The following MAGI2 variants were observed in gnomAD, a reference collection of about 807,000 sequenced individuals.
The protein encoded by MAGI2 is membrane associated guanylate kinase, WW and PDZ domain containing 2, also known as membrane-associated guanylate kinase, WW and PDZ domain-containing protein 2.
In MAGI2, 35 loss-of-function variants were observed where a neutral mutation model predicts 133.3. The ratio of observed to expected loss-of-function variants is 0.26; its 90% CI spans 0.20 to 0.35. MAGI2 has a LOEUF of 0.35. Among genes scored for constraint, MAGI2 ranks in the 10% least tolerant of loss-of-function variants. The pLI, the probability that MAGI2 is intolerant of heterozygous loss-of-function variation, is 1.00. For missense variants in MAGI2, 1,636 were observed against 1,863.4 expected (o/e 0.88, Z 2.25); for synonymous variants, 729 against 710.6 (o/e 1.03, Z -0.41).
chr7:79,239,112 A>T (rs914881948), intron 1 of MAGI2, among the ~76,000 whole-genome samples: 2 of 152,216 alleles, frequency 1.3e-5, no homozygotes, highest in Non-Finnish European at 2.9e-5. Flanking sequence ...TTTTAAAATA[A>T]TGGTCATGAA....
At chr7:78,846,864 TA>T (rs920850944) in intron 2 of MAGI2, among the ~76,000 whole-genome samples, 1 of 151,928 alleles carries the variant, frequency 6.6e-6, no homozygotes, top group Non-Finnish European at 1.5e-5. Context: ...GTGCATATAT[TA>T]AAAGCTTTTC....
intron 1 of MAGI2, among the ~76,000 whole-genome samples, chr7:79,034,951 C>T (rs1810971580): frequency 6.6e-6 from 1 of 152,154 alleles, no homozygotes; most frequent in Non-Finnish European, 1.5e-5. Flanking sequence ...CTGTCTAGAG[C>T]AGACTGGCAA....
intron 3 of MAGI2, among the ~76,000 whole-genome samples, chr7:78,592,656 C>T (rs1584768125): frequency 1.3e-5 from 2 of 151,942 alleles, no homozygotes; most frequent in African/African-American, 4.8e-5. Flanking sequence ...GATATTACAG[C>T]ACTCTATTTT....
In MAGI2 at chr7:78,696,976, G is replaced by A. The variant is rs1419429476; in HGVS notation, c.419-69737C>T. Among the ~76,000 whole-genome samples, 3 of 126,500 alleles carry A rather than the reference G, an allele frequency of 2.4e-5. No individual in the cohort carries two copies. In the East Asian group the frequency reaches 6.3e-4, roughly 27 times the overall value. The allele number at this position is 126,500 out of a possible 152,430, so 83.0% of individuals were successfully genotyped here. A position where few individuals can be genotyped will look rare whatever the true frequency, so the allele number is the denominator to read the frequency against. On this transcript the variant is annotated intron_variant, in intron 2 of 21. Coordinates refer to ENST00000354212, the MANE Select transcript of MAGI2 (RefSeq NM_012301.4). ...CTGCAATCAAAATGACCCTTATTTT[G>A]CTTTCATCATTCAAAGCTTTTAAAT...
chr7:78,828,172 A>G (rs1790832025), intron 2 of MAGI2, among the ~76,000 whole-genome samples: 1 of 151,858 alleles, frequency 6.6e-6, no homozygotes, highest in African/African-American at 2.4e-5. Context: ...GGCATAAGCC[A>G]TCGTGCCCAG....
chr7:78,480,006 C>A (rs1792189298), intron 6 of MAGI2, among the ~76,000 whole-genome samples: 1 of 151,614 alleles, frequency 6.6e-6, no homozygotes, highest in Admixed American at 6.6e-5. Context: ...TATAACAGGG[C>A]AGAACAATGA....
At chr7:78,291,834 TACGATTATCTCAATAGATGCGG>T (rs59121752) in intron 9 of MAGI2, among the ~76,000 whole-genome samples, 42,349 of 151,756 alleles carry the variant, frequency 0.28, 6,062 homozygotes, top group African/African-American at 0.33. Context: ...ACAAAAACCA[TACGATTATCTCAATAGATGCGG>T]AAAAGGCCTT....
chr7:78,662,752 T>C (rs996675419), intron 2 of MAGI2, among the ~76,000 whole-genome samples: 6 of 152,208 alleles, frequency 3.9e-5, no homozygotes, highest in African/African-American at 1.4e-4. Context: ...GGGTAACTAC[T>C]GGTGAAGAGA....
At chr7:78,362,826 T>C (rs528892936) in intron 7 of MAGI2, among the ~76,000 whole-genome samples, 1 of 152,322 alleles carries the variant, frequency 6.6e-6, no homozygotes, top group African/African-American at 2.4e-5. Context: ...AACAAACTTA[T>C]TAACATAAAA....
chr7:78,235,933 C>A (rs185709691), intron 10 of MAGI2, among the ~76,000 whole-genome samples: 1 of 151,764 alleles, frequency 6.6e-6, no homozygotes, highest in Admixed American at 6.6e-5. Context: ...CTCAAAGTAA[C>A]CATGTGAATT....
At chr7:78,416,830 C>T (rs1321425988) in intron 6 of MAGI2, among the ~76,000 whole-genome samples, 2 of 152,106 alleles carry the variant, frequency 1.3e-5, no homozygotes, top group Non-Finnish European at 1.5e-5. Flanking sequence ...CCCCTTTATG[C>T]CAGGTGAGGA....
At chr7:78,421,632 G>A (rs1048031906) in intron 6 of MAGI2, among the ~76,000 whole-genome samples, 1 of 152,134 alleles carries the variant, frequency 6.6e-6, no homozygotes, top group South Asian at 2.1e-4. Context: ...GGGAAACATG[G>A]TGAGACCCCA....
At chr7:79,430,553 C>T in intron 1 of MAGI2, among the ~76,000 whole-genome samples, 1 of 152,166 alleles carries the variant, frequency 6.6e-6, no homozygotes, top group South Asian at 2.1e-4. Context: ...TCTCAATTGC[C>T]AGTTCCACAA....
At chr7:78,871,869 A>G (rs1184149685) in intron 2 of MAGI2, among the ~76,000 whole-genome samples, 1 of 152,106 alleles carries the variant, frequency 6.6e-6, no homozygotes, top group African/African-American at 2.4e-5. Context: ...ATAATTAGGA[A>G]AGATTGAGAT....
At chr7:78,116,809 T>C (rs1246377440) in intron 20 of MAGI2, among the ~76,000 whole-genome samples, 2 of 151,818 alleles carry the variant, frequency 1.3e-5, no homozygotes, top group East Asian at 3.9e-4. Context: ...GCTCAGGAGG[T>C]TGATGCTGCA....
At chr7:78,397,366 T>TATACAC (rs1554391099) in intron 6 of MAGI2, among the ~76,000 whole-genome samples, 1 of 147,704 alleles carries the variant, frequency 6.8e-6, no homozygotes, top group Non-Finnish European at 1.5e-5. Context: ...TTGAAATTCC[T>TATACAC]ACACACACAC....
chr7:78,461,403 T>TGTGC lies in MAGI2; in HGVS notation c.1045+28357_1045+28358insGCAC, dbSNP rs1554423793. Among the ~76,000 whole-genome samples, 4 of 126,516 alleles carry TGTGC rather than the reference T, an allele frequency of 3.2e-5. No individual in the cohort carries two copies. In the East Asian group the frequency reaches 6.4e-4, roughly 20 times the overall value. 83.0% of individuals were successfully genotyped at this position (126,516 alleles called of 152,430 possible). A position where few individuals can be genotyped will look rare whatever the true frequency, so the allele number is the denominator to read the frequency against. On this transcript the variant is annotated intron_variant, in intron 6 of 21. Transcript: ENST00000354212. ...GGACACGTGTGTGTGCGTGTGTGTGTGTGTGTGTGTGTGTGTGTGTGTTGG... is the reference window on the plus strand; with the variant it reads ...GGACACGTGTGTGTGCGTGTGTGTGTGTGCGTGTGTGTGTGTGTGTGTGTGTTGG...
intron 2 of MAGI2, among the ~76,000 whole-genome samples, chr7:78,827,456 T>TC (rs929570365): frequency 1.3e-5 from 2 of 151,628 alleles, no homozygotes; most frequent in Non-Finnish European, 2.9e-5. Flanking sequence ...TTTTGAATTT[T>TC]TTGTAGAAAC....
intron 1 of MAGI2, among the ~76,000 whole-genome samples, chr7:79,376,305 A>T (rs556753274): frequency 6.6e-6 from 1 of 151,894 alleles, no homozygotes; most frequent in South Asian, 2.1e-4. Context: ...AATTATAACA[A>T]TACACTGTAA....
Sources: gnomAD v4.1 joint callset for allele counts (sites outside exome capture counted in the v4.1 genomes callset) on GRCh38, gnomAD v4.1.1 for gene constraint, MANE v1.5 for transcripts, NCBI Gene and HGNC (gene_info 2026-07-23, HGNC 2026-07-21) for gene names.